Variants in PTK7 observed in about 807,000 individuals in gnomAD.
PTK7 encodes the protein inactive tyrosine-protein kinase 7.
Under a neutral mutation model 116.6 loss-of-function variants are expected in PTK7, and 39 were observed. The observed-to-expected ratio is 0.33, with a 90% CI of 0.26 to 0.44. PTK7 has a LOEUF of 0.44. Ranked by LOEUF, PTK7 falls within the 20% of genes least tolerant of loss-of-function variation. The pLI, the probability that PTK7 is intolerant of heterozygous loss-of-function variation, is 1.00. For synonymous variants in PTK7, 546 were observed against 563.6 expected (o/e 0.97, Z 0.44); for missense variants, 1,169 against 1,425.6 (o/e 0.82, Z 2.90).
At chr6:43,103,286 AAAAC>A (rs1345622622) in intron 1 of PTK7, among the ~76,000 whole-genome samples, 1 of 152,228 alleles carries the variant, frequency 6.6e-6, no homozygotes, top group Non-Finnish European at 1.5e-5. Context: ...GAGAGGGAGA[AAAAC>A]AGACAGACCA....
chr6:43,121,607 A>G (rs1439027204), intron 1 of PTK7, among the ~76,000 whole-genome samples: 1 of 149,250 alleles, frequency 6.7e-6, no homozygotes, highest in Admixed American at 6.6e-5. Context: ...CAGCTTGTCC[A>G]TCTTCAGTGA....
chr6:43,140,139 A>G (rs1770306264), intron 10 of PTK7, among the ~76,000 whole-genome samples: 1 of 151,730 alleles, frequency 6.6e-6, no homozygotes, highest in Non-Finnish European at 1.5e-5. Context: ...CAAAAGTTAC[A>G]TGGGCTCCTT....
chr6:43,143,667 G>A lies in PTK7; in HGVS notation c.2251+47G>A. Reference sequence around the variant, plus strand: ...GGTGGTGCCCGTGTGCGGGAGCTGAGCGCCCTCCCGCGGCCACGGAGGGGA... The same window carrying A: ...GGTGGTGCCCGTGTGCGGGAGCTGAACGCCCTCCCGCGGCCACGGAGGGGA... On this transcript the variant is annotated intron_variant, in intron 14 of 19. Coordinates refer to ENST00000230419, the MANE Select transcript of PTK7 (RefSeq NM_002821.5). This position sits in a 1 kb window ranked among gnomAD's most constrained non-coding sequence, Gnocchi z 4.2. 2 of 1,570,930 alleles carry A rather than the reference G, an allele frequency of 1.3e-6. No homozygotes were observed. Among genetic ancestry groups the A allele is most frequent in the Non-Finnish European group, 1.7e-6 (2 of 1,159,984 alleles).
chr6:43,100,393 A>T (rs1767505793), intron 1 of PTK7, among the ~76,000 whole-genome samples: 1 of 149,606 alleles, frequency 6.7e-6, no homozygotes, highest in African/African-American at 2.5e-5. Context: ...AAAAAAAAAA[A>T]AAAATCATTA....
chr6:43,103,198 TA>T (rs1767679073), intron 1 of PTK7, among the ~76,000 whole-genome samples: 1 of 152,168 alleles, frequency 6.6e-6, no homozygotes, highest in Non-Finnish European at 1.5e-5. Flanking sequence ...CATAAACCAT[TA>T]TAATGGAAAC....
chr6:43,107,900 C>A (rs1385598596), intron 1 of PTK7, among the ~76,000 whole-genome samples: 1 of 152,148 alleles, frequency 6.6e-6, no homozygotes, highest in African/African-American at 2.4e-5. Context: ...CCTCAGGAAG[C>A]TTAGAATCTA....
chr6:43,101,789 A>G (rs958382171), intron 1 of PTK7, among the ~76,000 whole-genome samples: 3 of 152,202 alleles, frequency 2.0e-5, no homozygotes, highest in African/African-American at 7.2e-5. Context: ...CTAATATAGA[A>G]TACTTGAAAA....
intron 17 of PTK7, among the ~76,000 whole-genome samples, chr6:43,155,203 T>TA (rs1298221965): frequency 3.3e-5 from 5 of 151,966 alleles, no homozygotes; most frequent in African/African-American, 1.2e-4. Context: ...TTTTTTTTTT[T>TA]AAAGAGATAG....
At chr6:43,106,232 T>G (rs1767880820) in intron 1 of PTK7, among the ~76,000 whole-genome samples, 1 of 152,176 alleles carries the variant, frequency 6.6e-6, no homozygotes, top group African/African-American at 2.4e-5. Context: ...TCTGAATTAC[T>G]CAGAGTTCTC....
chr6:43,130,208 G>A, intron 3 of PTK7, 22 bp from the exon 4 acceptor site: 1 of 1,547,410 alleles, frequency 6.5e-7, no homozygotes, highest in Non-Finnish European at 8.8e-7. Context: ...CCCCACCACT[G>A]CTGACTGTGT....
chr6:43,081,450 G>A (rs2150368278), intron 1 of PTK7, among the ~76,000 whole-genome samples: 1 of 152,224 alleles, frequency 6.6e-6, no homozygotes. Flanking sequence ...GTGTCTCCCA[G>A]GCTGGAGGCA....
intron 7 of PTK7, among the ~76,000 whole-genome samples, chr6:43,136,015 C>T (rs1770014527): frequency 6.6e-6 from 1 of 152,188 alleles, no homozygotes; most frequent in African/African-American, 2.4e-5. Context: ...TGCTGAAACC[C>T]CGTCTCTACT....
rs1440361278 is a variant in PTK7 at position 43,129,161 on chromosome 6, A to C, written c.264A>C (p.Ala88=). Residue 88 remains alanine, a synonymous_variant, in exon 2 of 20, where the codon GCA becomes GCC. Transcript: ENST00000230419. This position sits in a 1 kb window ranked among gnomAD's most constrained non-coding sequence, Gnocchi z 4.5. ...CCCAGGGCAGCAGCCTGAGCTTTGCAGCTGTGGACCGGCTGCAGGACTCTG... is the reference window on the plus strand; with the variant it reads ...CCCAGGGCAGCAGCCTGAGCTTTGCCGCTGTGGACCGGCTGCAGGACTCTG... ...RFAQGSSLSF[A]AVDRLQDSGT... is the part of the protein sequence containing the mutation. 1 of 1,614,198 alleles carries C rather than the reference A, an allele frequency of 6.2e-7. No homozygotes were observed. Among genetic ancestry groups the C allele is most frequent in the East Asian group, 2.2e-5 (1 of 44,872 alleles).
At chr6:43,136,206 A>G (rs888004206) in intron 7 of PTK7, among the ~76,000 whole-genome samples, 7 of 151,594 alleles carry the variant, frequency 4.6e-5, no homozygotes, top group African/African-American at 7.3e-5. Flanking sequence ...ATGGTGGCAC[A>G]TGCCTGTAAT....
chr6:43,149,123 G>GCA (rs1451657532), intron 17 of PTK7, among the ~76,000 whole-genome samples: 10 of 149,188 alleles, frequency 6.7e-5, no homozygotes, highest in Non-Finnish European at 1.2e-4. Flanking sequence ...TGAAATCCCA[G>GCA]CACTTCGGGA....
chr6:43,100,826 A>G (rs1420572495), intron 1 of PTK7, among the ~76,000 whole-genome samples: 1 of 152,196 alleles, frequency 6.6e-6, no homozygotes, highest in Non-Finnish European at 1.5e-5. Context: ...GCCTTGACCA[A>G]TCTAATGAGT....
Position 43,157,364 on chromosome 6 carries a change from ATTTTTTTTTTTCT to A in PTK7, c.2722-1441_2722-1429del, listed in dbSNP as rs1328837198. ...TATATATATATATATATATATATAT[ATTTTTTTTTTTCT>A]TTTTTTTTTTTTTTTTTTAATAGAG... On this transcript the variant is annotated intron_variant, in intron 17 of 19. Transcript: ENST00000230419. Among the ~76,000 whole-genome samples, 148 of 54,340 alleles carry A rather than the reference ATTTTTTTTTTTCT, an allele frequency of 2.7e-3. 5 individuals carry two copies. The highest frequency in any genetic ancestry group is 0.01 in the African/African-American group (141 of 13,814). The allele number at this position is 54,340 out of a possible 152,430, so 35.6% of individuals were successfully genotyped here. A position where few individuals can be genotyped will look rare whatever the true frequency, so the allele number is the denominator to read the frequency against.
intron 7 of PTK7, among the ~76,000 whole-genome samples, chr6:43,135,006 C>T (rs944941858): frequency 5.3e-5 from 8 of 152,016 alleles, no homozygotes; most frequent in Non-Finnish European, 1.2e-4. Flanking sequence ...ATGCAGAATT[C>T]GGGGCCCCAC....
In PTK7 at chr6:43,076,763, G is replaced by T. The variant is rs1367696598; in HGVS notation, c.79+196G>T. ...GGAGGCTGGCGAAGCCTCCAGGGAC[G>T]CGGTCAGGGTACCCCTCCCACTCGC... is the stretch of plus-strand genomic sequence containing the variant. On this transcript the variant is annotated intron_variant, in intron 1 of 19. Transcript: ENST00000230419. This position sits in a 1 kb window ranked among gnomAD's most constrained non-coding sequence, Gnocchi z 5.7. 3 of 1,395,942 alleles carry T rather than the reference G, an allele frequency of 2.1e-6. No individual in the cohort carries two copies. In the African/African-American group the frequency reaches 4.4e-5, roughly 21 times the overall value. 86.5% of individuals were successfully genotyped at this position (1,395,942 alleles called of 1,614,324 possible). A position where few individuals can be genotyped will look rare whatever the true frequency, so the allele number is the denominator to read the frequency against.
Sources: allele counts gnomAD v4.1 joint callset (sites outside exome capture counted in the v4.1 genomes callset), GRCh38; gene constraint gnomAD v4.1.1; non-coding constraint Gnocchi (gnomAD v3.1); transcripts MANE v1.5; gene names NCBI Gene and HGNC (gene_info 2026-07-23, HGNC 2026-07-21).